PITPNC1: variants seen among roughly 807,000 people sequenced by gnomAD.
The protein encoded by PITPNC1 is phosphatidylinositol transfer protein cytoplasmic 1, also known as cytoplasmic phosphatidylinositol transfer protein 1.
Under a neutral mutation model 44.7 loss-of-function variants are expected in PITPNC1, and 18 were observed. The observed-to-expected ratio is 0.40, with a 90% CI of 0.28 to 0.60. PITPNC1 has a LOEUF of 0.60. PITPNC1 is among the 20% of genes least tolerant of loss of function. The probability of loss-of-function intolerance (pLI) is 0.39; values close to 1 mark genes in which losing one functional copy is unlikely to be tolerated. For synonymous variants in PITPNC1, 141 were observed against 149.6 expected (o/e 0.94, Z 0.42); for missense variants, 290 against 418.4 (o/e 0.69, Z 2.68).
intron 2 of PITPNC1, among the ~76,000 whole-genome samples, 170 bp downstream of exon 2, chr17:67,533,120 G>A (rs1346405397): frequency 2.0e-5 from 3 of 152,140 alleles, no homozygotes; most frequent in South Asian, 4.1e-4. Flanking sequence ...CTGCCCGAGC[G>A]AGGTGGCTCA....
intron 1 of PITPNC1, among the ~76,000 whole-genome samples, chr17:67,380,799 G>A (rs544485023): frequency 1.8e-4 from 28 of 151,532 alleles, no homozygotes; most frequent in Admixed American, 1.4e-3. Flanking sequence ...TTTGAGACAC[G>A]GTCTCGCTCT....
intron 1 of PITPNC1, among the ~76,000 whole-genome samples, chr17:67,427,480 G>C (rs1373197745): frequency 6.6e-6 from 1 of 152,006 alleles, no homozygotes; most frequent in African/African-American, 2.4e-5. Flanking sequence ...CCAAAGTGTT[G>C]GTATTACAGG....
chr17:67,559,769 C>G (rs1013046322), intron 4 of PITPNC1, among the ~76,000 whole-genome samples: 5 of 152,158 alleles, frequency 3.3e-5, no homozygotes, highest in African/African-American at 1.2e-4. Flanking sequence ...TGCCTGTAAT[C>G]CCAGCTCCTC....
chr17:67,646,051 G>C (rs1006586201), intron 6 of PITPNC1, among the ~76,000 whole-genome samples: 1 of 152,156 alleles, frequency 6.6e-6, no homozygotes, highest in African/African-American at 2.4e-5. Context: ...CTTGAACCTG[G>C]GAGGTGGATG....
At chr17:67,433,393 G>A (rs963193850) in intron 1 of PITPNC1, among the ~76,000 whole-genome samples, 3 of 152,216 alleles carry the variant, frequency 2.0e-5, no homozygotes, top group African/African-American at 7.2e-5. Flanking sequence ...AAACACGGCT[G>A]TGCTTCTGGG....
intron 1 of PITPNC1, among the ~76,000 whole-genome samples, chr17:67,501,082 A>C (rs765985543): frequency 6.6e-6 from 1 of 152,162 alleles, no homozygotes; most frequent in Non-Finnish European, 1.5e-5. Context: ...ACCAGTAAAC[A>C]ACATTTATTG....
At chr17:67,418,261 A>G (rs1248785212) in intron 1 of PITPNC1, among the ~76,000 whole-genome samples, 3 of 152,222 alleles carry the variant, frequency 2.0e-5, no homozygotes, top group Non-Finnish European at 2.9e-5. Context: ...CCAAATTTCT[A>G]ACTTGTTCAA....
At chr17:67,646,807 A>G (rs1415749062) in intron 6 of PITPNC1, among the ~76,000 whole-genome samples, 5 of 152,016 alleles carry the variant, frequency 3.3e-5, no homozygotes, top group African/African-American at 4.8e-5. Flanking sequence ...TGGGATTACA[A>G]GTACGAGCCA....
chr17:67,599,441 A>G (rs2041513279), intron 5 of PITPNC1, among the ~76,000 whole-genome samples: 1 of 152,174 alleles, frequency 6.6e-6, no homozygotes, highest in African/African-American at 2.4e-5. Context: ...AAAGAAGGGC[A>G]AGGATGGAAC....
intron 1 of PITPNC1, among the ~76,000 whole-genome samples, chr17:67,454,725 C>G (rs960015912): frequency 4.6e-5 from 7 of 152,132 alleles, no homozygotes; most frequent in Admixed American, 3.9e-4. Context: ...TTCAGAATCT[C>G]CACCATCCAG....
chr17:67,434,442 C>A (rs1054863848), intron 1 of PITPNC1, among the ~76,000 whole-genome samples: 2 of 152,164 alleles, frequency 1.3e-5, no homozygotes, highest in African/African-American at 4.8e-5. Flanking sequence ...TCCCACAGGC[C>A]CATTACATAA....
At chr17:67,478,184 G>C (rs1367716788) in intron 1 of PITPNC1, among the ~76,000 whole-genome samples, 1 of 152,180 alleles carries the variant, frequency 6.6e-6, no homozygotes, top group Non-Finnish European at 1.5e-5. Context: ...GTGGGCCTCT[G>C]GGCAGCCTTT....
chr17:67,406,223 G>C (rs2038398171), intron 1 of PITPNC1, among the ~76,000 whole-genome samples: 1 of 151,962 alleles, frequency 6.6e-6, no homozygotes, highest in African/African-American at 2.4e-5. Context: ...ACGCACTACA[G>C]CCTTGAACTC....
At position 67,692,651 on chromosome 17, in the gene PITPNC1, T is replaced by C. The variant is rs371847923; in HGVS notation, c.762T>C (p.Pro254=). 8.1e-6 allele frequency: 13 copies of C among 1,613,548 alleles called. No homozygotes were observed. In the African/African-American group the frequency reaches 9.3e-5, roughly 12 times the overall value. ...ATNKKIGIFP[P]AISISSIPLL... is the part of the protein sequence containing the mutation. Reference sequence around the variant, plus strand: ...ACAAGAAAATCGGCATTTTCCCACCTGCAATTTCTATCTCCAGCATCCCCC... The same window carrying C: ...ACAAGAAAATCGGCATTTTCCCACCCGCAATTTCTATCTCCAGCATCCCCC... Residue 254 remains proline, a synonymous_variant, in exon 9 of 9, where the codon CCT becomes CCC. Coordinates refer to ENST00000581322, the MANE Select transcript of PITPNC1 (RefSeq NM_012417.4).
At chr17:67,528,910 A>G (rs2040424978) in intron 1 of PITPNC1, among the ~76,000 whole-genome samples, 1 of 152,104 alleles carries the variant, frequency 6.6e-6, no homozygotes, top group Non-Finnish European at 1.5e-5. Flanking sequence ...TAAAAACAGC[A>G]ACAAAACCAC....
chr17:67,544,914 CAT>C (rs1245398841), intron 2 of PITPNC1, among the ~76,000 whole-genome samples: 1 of 152,156 alleles, frequency 6.6e-6, no homozygotes, highest in Non-Finnish European at 1.5e-5. Context: ...GCATCAGAGA[CAT>C]AGACTCTGAC....
At chr17:67,541,771 C>T (rs552444249) in intron 2 of PITPNC1, among the ~76,000 whole-genome samples, 1 of 152,232 alleles carries the variant, frequency 6.6e-6, no homozygotes, top group South Asian at 2.1e-4. Flanking sequence ...ATCATGGTGC[C>T]ATTAGATGGA....
At chr17:67,530,439 C>T (rs1262588339) in intron 1 of PITPNC1, among the ~76,000 whole-genome samples, 1 of 152,130 alleles carries the variant, frequency 6.6e-6, no homozygotes, top group African/African-American at 2.4e-5. Flanking sequence ...TCATCTTCCT[C>T]TATGCCTGCC....
intron 5 of PITPNC1, among the ~76,000 whole-genome samples, chr17:67,592,361 G>A (rs1568056210): frequency 6.6e-6 from 1 of 152,102 alleles, no homozygotes. Context: ...ACAAAGACCT[G>A]AACAAATTAT....
Sources: allele counts gnomAD v4.1 joint callset (sites outside exome capture counted in the v4.1 genomes callset), GRCh38; gene constraint gnomAD v4.1.1; transcripts MANE v1.5; gene names NCBI Gene and HGNC (gene_info 2026-07-23, HGNC 2026-07-21).